Variants in GLP2R observed in about 807,000 individuals in gnomAD.
The protein encoded by GLP2R is glucagon like peptide 2 receptor, also known as glucagon-like peptide 2 receptor.
A neutral mutation model predicts 68.2 loss-of-function variants in GLP2R; 59 were observed. That is an observed-to-expected ratio of 0.87 (90% confidence interval 0.70 to 1.07). The LOEUF (loss-of-function observed/expected upper bound fraction) is 1.07. GLP2R is among the 50% of genes least tolerant of loss of function. The pLI is 0.00. For synonymous variants in GLP2R, 270 were observed against 265.4 expected (o/e 1.02, Z -0.17); for missense variants, 548 against 677.4 (o/e 0.81, Z 2.12).
chr17:9,830,619 C>T (rs1195602614), intron 1 of GLP2R, among the ~76,000 whole-genome samples: 1 of 152,146 alleles, frequency 6.6e-6, no homozygotes, highest in Non-Finnish European at 1.5e-5. Flanking sequence ...TGCTTGTATA[C>T]CCCAGGGCAC....
intron 9 of GLP2R, among the ~76,000 whole-genome samples, chr17:9,864,482 G>GTT (rs76940480): frequency 3.2e-4 from 46 of 143,714 alleles, no homozygotes; most frequent in African/African-American, 1.1e-3. Context: ...AGTTTTTTCT[G>GTT]TTTTTTTGTT....
chr17:9,850,338 C>T lies in GLP2R; in HGVS notation c.505-4157C>T, dbSNP rs766807276. 4.6e-5 allele frequency among the ~76,000 whole-genome samples: 7 copies of T among 152,328 alleles called. No homozygotes were observed. The South Asian group carries it at 6.2e-4, about 14-fold the overall frequency. Reference sequence around the variant, plus strand: ...AACCAACTGTAGCAGGTGCTCTTGGCGCCCTGCCCGTATCCCTTTGCCCTA... The same window carrying T: ...AACCAACTGTAGCAGGTGCTCTTGGTGCCCTGCCCGTATCCCTTTGCCCTA... On this transcript the variant is annotated intron_variant, in intron 4 of 12. Transcript: ENST00000262441.
At position 9,836,453 on chromosome 17, in the gene GLP2R, A is replaced by C. The variant is rs1313661829; in HGVS notation, c.360A>C (p.Ser120=). Residue 120 remains serine, a synonymous_variant, in exon 3 of 13, where the codon TCA becomes TCC. Transcript: ENST00000262441. ...SPGNVSVPCP[S]YLPWWSEESS... is the part of the protein sequence containing the mutation. ...GAAATGTCTCTGTACCCTGCCCTTCATACTTACCTTGGTGGAGTGAAGGTA... is the reference window on the plus strand; with the variant it reads ...GAAATGTCTCTGTACCCTGCCCTTCCTACTTACCTTGGTGGAGTGAAGGTA... 4 of 1,606,104 alleles carry C rather than the reference A, an allele frequency of 2.5e-6. No individual in the cohort carries two copies. Among genetic ancestry groups the C allele is most frequent in the Non-Finnish European group, 2.6e-6 (3 of 1,172,818 alleles).
At chr17:9,843,213 A>G (rs1255541689) in intron 4 of GLP2R, among the ~76,000 whole-genome samples, 1 of 152,188 alleles carries the variant, frequency 6.6e-6, no homozygotes, top group African/African-American at 2.4e-5. Context: ...TCCAAATAGT[A>G]AGAATGTTAA....
intron 1 of GLP2R, among the ~76,000 whole-genome samples, chr17:9,830,510 G>A (rs1210907105): frequency 1.3e-5 from 2 of 152,180 alleles, no homozygotes; most frequent in African/African-American, 2.4e-5. Context: ...GATATTAATA[G>A]AGATTCCAAA....
At chr17:9,852,757 G>C (rs2066902838) in intron 4 of GLP2R, 1 of 253,394 alleles carries the variant, frequency 3.9e-6, no homozygotes, top group African/African-American at 2.3e-5. Flanking sequence ...TTTCTCCACT[G>C]CTGCTTTTTC....
chr17:9,865,733 A>G (rs1314261821), intron 9 of GLP2R: 3 of 451,126 alleles, frequency 6.7e-6, no homozygotes, highest in Non-Finnish European at 1.4e-5. Context: ...ACCCCCCTGC[A>G]ATTAAAATAA....
At chr17:9,868,462 G>C (rs1449052352) in intron 9 of GLP2R, among the ~76,000 whole-genome samples, 1 of 152,192 alleles carries the variant, frequency 6.6e-6, no homozygotes, top group African/African-American at 2.4e-5. Context: ...ATCTGGGATA[G>C]ATCCTTATAT....
At chr17:9,852,917 G>T in intron 4 of GLP2R, 1 of 483,846 alleles carries the variant, frequency 2.1e-6, no homozygotes, top group East Asian at 4.7e-5. Flanking sequence ...ATACTTAAGA[G>T]TTTCACATTC....
intron 4 of GLP2R, among the ~76,000 whole-genome samples, chr17:9,844,947 TC>T (rs2066823983): frequency 6.6e-6 from 1 of 151,852 alleles, no homozygotes. Context: ...CGCCTTGGCC[TC>T]CCAAAGTGCT....
intron 9 of GLP2R, among the ~76,000 whole-genome samples, chr17:9,863,912 A>T (rs1379287463): frequency 6.6e-6 from 1 of 152,030 alleles, no homozygotes; most frequent in Non-Finnish European, 1.5e-5. Flanking sequence ...TTCAGTGCAC[A>T]CTCATGGCCT....
At chr17:9,832,652 G>A (rs1567716749) in intron 1 of GLP2R, among the ~76,000 whole-genome samples, 1 of 152,044 alleles carries the variant, frequency 6.6e-6, no homozygotes, top group Admixed American at 6.6e-5. Flanking sequence ...GATCACTTGA[G>A]CCTAGGAGGC....
chr17:9,868,454 C>G (rs969143202), intron 9 of GLP2R, among the ~76,000 whole-genome samples: 1 of 152,200 alleles, frequency 6.6e-6, no homozygotes, highest in Non-Finnish European at 1.5e-5. Context: ...GAGAATGCAT[C>G]TGGGATAGAT....
At chr17:9,856,537 G>A (rs983694023) in intron 5 of GLP2R, among the ~76,000 whole-genome samples, 2 of 152,196 alleles carry the variant, frequency 1.3e-5, no homozygotes, top group Non-Finnish European at 2.9e-5. Context: ...CACACAAAGA[G>A]TCTGCAGGAG....
chr17:9,888,097 G>A (rs2067259286), intron 12 of GLP2R, 124 bp downstream of exon 12: 6 of 792,494 alleles, frequency 7.6e-6, no homozygotes, highest in Middle Eastern at 5.6e-4. Context: ...GCATGTGTGG[G>A]GACAAATTTG....
At chr17:9,859,906 G>T in intron 6 of GLP2R, 36 bp from the exon 7 acceptor site, 1 of 1,549,950 alleles carries the variant, frequency 6.5e-7, no homozygotes, top group Non-Finnish European at 8.8e-7. Context: ...ATGCAGGGGA[G>T]CCTGGACTCA....
intron 4 of GLP2R, among the ~76,000 whole-genome samples, chr17:9,848,433 G>A (rs1597384843): frequency 6.6e-6 from 1 of 152,084 alleles, no homozygotes; most frequent in Admixed American, 6.5e-5. Flanking sequence ...CTGTAGGGGG[G>A]TCCAGCCATC....
chr17:9,861,994 A>G, intron 8 of GLP2R, 27 bp from the exon 9 acceptor site: 2 of 1,539,844 alleles, frequency 1.3e-6, no homozygotes, highest in Non-Finnish European at 1.8e-6. Context: ...TAAGTCTTCT[A>G]CTGCCTGCTT....
chr17:9,842,998 A>G (rs1446935703), intron 4 of GLP2R, among the ~76,000 whole-genome samples: 1 of 152,088 alleles, frequency 6.6e-6, no homozygotes, highest in Non-Finnish European at 1.5e-5. Flanking sequence ...AGTGCCCTCT[A>G]TGGTTGCCAC....
Sources: allele counts gnomAD v4.1 joint callset (sites outside exome capture counted in the v4.1 genomes callset), GRCh38; gene constraint gnomAD v4.1.1; transcripts MANE v1.5; gene names NCBI Gene and HGNC (gene_info 2026-07-23, HGNC 2026-07-21).